TTC34: variants seen among roughly 807,000 people sequenced by gnomAD.
TTC34 encodes tetratricopeptide repeat protein 34.
TTC34 carries 44 observed loss-of-function variants against 40.7 expected under a neutral mutation model. That is an observed-to-expected ratio of 1.08 (90% CI 0.85 to 1.39). The LOEUF (loss-of-function observed/expected upper bound fraction) is 1.39. Ranked by LOEUF, TTC34 falls within the 40% of genes most tolerant of loss-of-function variation. The probability of loss-of-function intolerance (pLI) is 0.00; values close to 1 mark genes in which losing one functional copy is unlikely to be tolerated. For missense variants in TTC34, 884 were observed against 838.0 expected, an observed-to-expected ratio of 1.05 and a Z score of -0.68; for synonymous variants, 422 against 398.6, an observed-to-expected ratio of 1.06 and a Z score of -0.70.
intron 2 of TTC34, among the ~76,000 whole-genome samples, chr1:2,792,006 CTTTTTTTTTTTTTTT>C (rs376632144): frequency 2.5e-5 from 1 of 39,560 alleles, no homozygotes; most frequent in African/African-American, 8.3e-5. Flanking sequence ...TTGCCATATG[CTTTTTTTTTTTTTTT>C]TTTTTTTTTT....
Position 2,696,841 on chromosome 1 carries a change from C to T in TTC34, c.2227-51278G>A, listed in dbSNP as rs1169348069. ...TGAACCCACGGAGCAGCACCCACAC[C>T]TTCCGGCGAGCATCCGACAGCCTGG... is the stretch of plus-strand genomic sequence containing the variant. On this transcript the variant is annotated intron_variant, in intron 6 of 8. Coordinates refer to ENST00000401095, the Ensembl canonical transcript of TTC34. 3.4e-5 allele frequency among the ~76,000 whole-genome samples: 2 copies of T among 58,538 alleles called. 1 individual carries two copies. Among genetic ancestry groups the T allele is most frequent in the Non-Finnish European group, 7.9e-5 (2 of 25,192 alleles). The allele number at this position is 58,538 out of a possible 152,430, so 38.4% of individuals were successfully genotyped here.
chr1:2,688,573 TC>T (rs1218954301), intron 6 of TTC34, among the ~76,000 whole-genome samples: 9 of 48,620 alleles, frequency 1.9e-4, no homozygotes, highest in Non-Finnish European at 2.0e-4. Flanking sequence ...ACCCACACCT[TC>T]CGGCGCGCAT....
chr1:2,652,730 A>G, intron 6 of TTC34, among the ~76,000 whole-genome samples: 1 of 148,576 alleles, frequency 6.7e-6, no homozygotes, highest in African/African-American at 2.5e-5. Context: ...CCACACCCCC[A>G]GGTGAGCATC....
chr1:2,637,456 G>C (rs547200727), exon 9 of TTC34: 7 of 152,404 alleles, frequency 4.6e-5, no homozygotes, highest in Middle Eastern at 6.8e-3. Context: ...TTAGGTTAGT[G>C]TGGTTGTTGC....
intron 6 of TTC34, among the ~76,000 whole-genome samples, chr1:2,692,159 C>G (rs1236757878): frequency 1.4e-5 from 1 of 73,082 alleles, no homozygotes; most frequent in Non-Finnish European, 3.1e-5. Flanking sequence ...AGGCGAGCAT[C>G]TGACGGCCTG....
At chr1:2,699,471 A>G (rs930051193) in intron 6 of TTC34, among the ~76,000 whole-genome samples, 1 of 122,658 alleles carries the variant, frequency 8.2e-6, no homozygotes, top group Non-Finnish European at 1.8e-5. Context: ...CGAGCATCTG[A>G]CAGCCTGGAG....
chr1:2,695,744 C>A lies in TTC34; in HGVS notation c.2227-50181G>T, dbSNP rs578066421. ...CAGGTGAGCAGCTGAAATCCTGGAACAGCACCCACACCCCCAGGTGAGCAT... is the reference window on the plus strand; with the variant it reads ...CAGGTGAGCAGCTGAAATCCTGGAAAAGCACCCACACCCCCAGGTGAGCAT... On this transcript the variant is annotated intron_variant, in intron 6 of 8. Coordinates refer to ENST00000401095, the Ensembl canonical transcript of TTC34. Among the ~76,000 whole-genome samples, 144 of 146,760 alleles carry A rather than the reference C, an allele frequency of 9.8e-4. 1 individual carries two copies. Among genetic ancestry groups the A allele is most frequent in the African/African-American group, 3.3e-3 (131 of 39,170 alleles).
intron 6 of TTC34, among the ~76,000 whole-genome samples, chr1:2,685,751 A>C (rs1640306956): frequency 1.4e-5 from 2 of 142,050 alleles, no homozygotes; most frequent in South Asian, 2.3e-4. Flanking sequence ...CTGGAGCAGA[A>C]CCCACACCCA....
At position 2,692,443 on chromosome 1, in the gene TTC34, T is replaced by C. The variant is rs76190234; in HGVS notation, c.2227-46880A>G. 5.2e-4 allele frequency among the ~76,000 whole-genome samples: 5 copies of C among 9,704 alleles called. 1 individual carries two copies. The highest frequency in any genetic ancestry group is 7.2e-3 in the South Asian group (2 of 278). 6.4% of individuals were successfully genotyped at this position (9,704 alleles called of 152,430 possible). The stretch of plus-strand genomic sequence containing the variant: ...CCACACCCCCAGGTGAGCATCTGAC[T>C]GCCTGGAGCAGCACCCACACCCCCA... On this transcript the variant is annotated intron_variant, in intron 6 of 8. Transcript: ENST00000401095.
chr1:2,641,226 G>A (rs1638894616), exon 9 of TTC34: 1 of 916,390 alleles, frequency 1.1e-6, no homozygotes, highest in Admixed American at 3.4e-5. Context: ...AGGGGTGTGT[G>A]GGGAGGGCTG....
intron 6 of TTC34, among the ~76,000 whole-genome samples, chr1:2,688,267 C>G (rs1640462462): frequency 1.4e-5 from 2 of 141,684 alleles, no homozygotes; most frequent in Non-Finnish European, 3.0e-5. Context: ...GAGCATGTGA[C>G]AGCCTGGATC....
intron 2 of TTC34, among the ~76,000 whole-genome samples, chr1:2,798,697 C>A (rs1299284600): frequency 4.6e-5 from 6 of 131,670 alleles, no homozygotes; most frequent in African/African-American, 1.8e-4. Context: ...TCCCCAGCCC[C>A]CCAGCGTCCC....
At chr1:2,642,318 GTCCC>G (rs1467674019) in intron 8 of TTC34, among the ~76,000 whole-genome samples, 1 of 152,112 alleles carries the variant, frequency 6.6e-6, no homozygotes, top group Non-Finnish European at 1.5e-5. Context: ...TCCTCCCTCG[GTCCC>G]TCTGGGCCAA....
intron 2 of TTC34, among the ~76,000 whole-genome samples, chr1:2,795,301 G>A (rs1643701017): frequency 6.6e-6 from 1 of 152,204 alleles, no homozygotes; most frequent in Non-Finnish European, 1.5e-5. Flanking sequence ...CTCAGTTTGG[G>A]CTGGCCTAAG....
intron 6 of TTC34, among the ~76,000 whole-genome samples, chr1:2,675,711 AGAGCACCCACACCCC>A (rs1639889649): frequency 1.3e-5 from 1 of 77,268 alleles, no homozygotes. Context: ...ACAGCCTGGA[AGAGCACCCACACCCC>A]CAGGCGAGCA....
At chr1:2,637,082 C>T (rs770196172) in exon 9 of TTC34, 3 of 152,152 alleles carry the variant, frequency 2.0e-5, no homozygotes, top group Non-Finnish European at 2.9e-5. Context: ...CAGGTGGTTT[C>T]TCTCCTAGTG....
chr1:2,638,968 C>T (rs1307890158), exon 9 of TTC34: 2 of 152,344 alleles, frequency 1.3e-5, no homozygotes, highest in Non-Finnish European at 2.9e-5. Flanking sequence ...AAGGTGCCAG[C>T]TCGCTCTCTA....
chr1:2,650,540 C>T (rs1406775036), intron 6 of TTC34, among the ~76,000 whole-genome samples: 1 of 151,564 alleles, frequency 6.6e-6, no homozygotes, highest in African/African-American at 2.4e-5. Flanking sequence ...ACAGCACCCT[C>T]CACCCCCAGG....
chr1:2,647,260 T>C (rs1375537300), intron 6 of TTC34, among the ~76,000 whole-genome samples: 1 of 152,196 alleles, frequency 6.6e-6, no homozygotes, highest in African/African-American at 2.4e-5. Flanking sequence ...TCCAATCACA[T>C]GTATGCTAGA....
Sources: allele counts gnomAD v4.1 joint callset (sites outside exome capture counted in the v4.1 genomes callset), GRCh38; gene constraint gnomAD v4.1.1; transcripts MANE v1.5; gene names NCBI Gene and HGNC (gene_info 2026-07-23, HGNC 2026-07-21).